SNRPN: variants seen among roughly 807,000 people sequenced by gnomAD.
SNRPN encodes small nuclear ribonucleoprotein polypeptide N.
Under a neutral mutation model 25.2 loss-of-function variants are expected in SNRPN, and 7 were observed. The ratio of observed to expected loss-of-function variants is 0.28; its 90% CI spans 0.16 to 0.52. The LOEUF is 0.52. Among genes scored for constraint, SNRPN ranks in the 20% least tolerant of loss-of-function variants. The pLI is 0.96. For missense variants in SNRPN, 196 were observed against 322.5 expected, an observed-to-expected ratio of 0.61 and a Z score of 3.00; for synonymous variants, 124 against 110.6, an observed-to-expected ratio of 1.12 and a Z score of -0.76.
At chr15:24,823,995 G>A (rs1316700060) in intron 1 of SNRPN, 3 of 151,822 alleles carry the variant, frequency 2.0e-5, no homozygotes, top group Non-Finnish European at 4.4e-5. Context: ...ATCATTTTTC[G>A]AAATACATAT....
At chr15:24,954,802 G>A (rs2062564873), upstream of SNRPN, 5 of 582,634 alleles carry the variant, frequency 8.6e-6, no homozygotes, top group Non-Finnish European at 1.5e-5. Flanking sequence ...CCCTCTCATT[G>A]CAACAGTGCT....
Position 24,861,114 on chromosome 15 carries a change from C to T in SNRPN, c.-579+4398C>T, listed in dbSNP as rs193271303. Among the ~76,000 whole-genome samples, 456 of 152,198 alleles carry T rather than the reference C, an allele frequency of 3.0e-3. 3 individuals carry two copies. The highest frequency in any genetic ancestry group is 0.011 in the African/African-American group (442 of 41,538). Reference sequence around the variant, plus strand: ...ACAGAGTGAGACCCCATCTCAAAAGCATAAATAAATAAAAGGATAATATCT... The same window carrying T: ...ACAGAGTGAGACCCCATCTCAAAAGTATAAATAAATAAAAGGATAATATCT... On this transcript the variant is annotated intron_variant, in intron 1 of 11. Transcript: ENST00000400097.
At chr15:24,832,950 CA>C (rs1194219011) in intron 2 of SNRPN, among the ~76,000 whole-genome samples, 2 of 151,562 alleles carry the variant, frequency 1.3e-5, no homozygotes, top group Non-Finnish European at 2.9e-5. Context: ...ACTAAAAATA[CA>C]AAAATTAGCC....
intron 3 of SNRPN, among the ~76,000 whole-genome samples, chr15:24,922,275 A>G (rs970076437): frequency 6.6e-6 from 1 of 152,186 alleles, no homozygotes; most frequent in African/African-American, 2.4e-5. Context: ...CTCACACATG[A>G]AAGTGGCAGG....
In SNRPN at chr15:24,882,757, G is replaced by C. The variant is rs190142909; in HGVS notation, c.-578-3759G>C. Among the ~76,000 whole-genome samples, 840 of 151,002 alleles carry C rather than the reference G, an allele frequency of 5.6e-3. 9 individuals carry two copies. The highest frequency in any genetic ancestry group is 0.019 in the African/African-American group (789 of 41,092). On this transcript the variant is annotated intron_variant, in intron 1 of 11. Coordinates refer to the SNRPN transcript ENST00000400097. ...AAGAATCGCTTGAACCCAGGAGGCA[G>C]ATGTTGCAGTGAGCCGAGATCATAC... is the stretch of plus-strand genomic sequence containing the variant.
intron 6 of SNRPN, among the ~76,000 whole-genome samples, 188 bp downstream of exon 6, chr15:24,976,604 A>G (rs1054100898): frequency 6.6e-6 from 1 of 152,182 alleles, no homozygotes; most frequent in Non-Finnish European, 1.5e-5. Flanking sequence ...GAATTATTCT[A>G]TGTGCTGGGC....
chr15:24,919,839 A>G (rs1320177500), intron 2 of SNRPN, among the ~76,000 whole-genome samples: 3 of 152,232 alleles, frequency 2.0e-5, no homozygotes, highest in Non-Finnish European at 4.4e-5. Context: ...TGATCAAGCA[A>G]AGAATCTTTG....
upstream of SNRPN, among the ~76,000 whole-genome samples, chr15:24,951,277 T>G (rs139456394): frequency 5.0e-3 from 767 of 152,176 alleles, 2 homozygotes; most frequent in African/African-American, 0.018. Context: ...CTGTTTCACA[T>G]CCCAATCAGC....
chr15:24,920,789 A>G (rs201160472), intron 3 of SNRPN, among the ~76,000 whole-genome samples: 2 of 123,010 alleles, frequency 1.6e-5, no homozygotes, highest in Admixed American at 1.6e-4. Flanking sequence ...AGTGTTTTGT[A>G]TGTTTATTAT....
chr15:24,929,625 G>GT lies in SNRPN; in HGVS notation c.-391+9501_-391+9502insT, dbSNP rs1438276701. Among the ~76,000 whole-genome samples, 6 of 151,988 alleles carry GT rather than the reference G, an allele frequency of 3.9e-5. No homozygotes were observed. In the East Asian group the frequency reaches 1.2e-3, roughly 30 times the overall value. ...TGGCAGAAATGGCCCAGGGCCCTGG[G>GT]CTGAGACCCAGCCAACTCTCTATGG... On this transcript the variant is annotated intron_variant, in intron 3 of 11. Coordinates refer to the SNRPN transcript ENST00000400097. This position sits in a 1 kb window ranked among gnomAD's most constrained non-coding sequence, Gnocchi z 5.3.
chr15:24,958,670 A>G (rs914385562), intron 1 of SNRPN: 21 of 152,078 alleles, frequency 1.4e-4, no homozygotes, highest in African/African-American at 3.1e-4. Flanking sequence ...TTTGGAGGCA[A>G]TGAGGTTTCT....
intron 3 of SNRPN, among the ~76,000 whole-genome samples, chr15:24,935,886 A>G (rs2061198967): frequency 6.6e-6 from 1 of 152,122 alleles, no homozygotes; most frequent in African/African-American, 2.4e-5. Context: ...TGGGAGGCCA[A>G]GGTGGGTGGA....
chr15:24,964,931 T>C (rs1157791615), intron 2 of SNRPN, among the ~76,000 whole-genome samples: 2 of 152,176 alleles, frequency 1.3e-5, no homozygotes, highest in African/African-American at 4.8e-5. Context: ...CTGCACTGCA[T>C]ATATATGTAC....
At chr15:24,885,892 A>G (rs1264095845) in intron 1 of SNRPN, among the ~76,000 whole-genome samples, 1 of 152,182 alleles carries the variant, frequency 6.6e-6, no homozygotes, top group Non-Finnish European at 1.5e-5. Flanking sequence ...TATACATTTC[A>G]AAATAATAGC....
Position 24,974,561 on chromosome 15 carries a change from G to GATAC in SNRPN, c.3+108_3+111dup, listed in dbSNP as rs527807418. The GATAC allele has an allele frequency of 3.1e-4, 325 of 1,049,236 alleles. 2 individuals carry two copies. In the African/African-American group the frequency reaches 4.7e-3, roughly 15 times the overall value. The allele number at this position is 1,049,236 out of a possible 1,614,324, so 65.0% of individuals were successfully genotyped here. A position where few individuals can be genotyped will look rare whatever the true frequency, so the allele number is the denominator to read the frequency against. On this transcript the variant is annotated intron_variant, in intron 4 of 9. Transcript: ENST00000390687. ...TTGGGTTCTGAATGTTAGAAATAAG[G>GATAC]ATACATCCATGGATATGGATTCTCA...
At chr15:24,955,848 A>G (rs997483836) in intron 1 of SNRPN, among the ~76,000 whole-genome samples, 3 of 150,626 alleles carry the variant, frequency 2.0e-5, no homozygotes, top group Non-Finnish European at 4.4e-5. Flanking sequence ...TGGGCATGGC[A>G]TGGAGGCGGT....
chr15:24,890,725 C>G (rs2057604007), intron 2 of SNRPN, among the ~76,000 whole-genome samples: 1 of 151,972 alleles, frequency 6.6e-6, no homozygotes, highest in South Asian at 2.1e-4. Flanking sequence ...CCACCTATCC[C>G]TTGGCCTTTG....
chr15:24,917,838 A>T lies in SNRPN; in HGVS notation c.-504-2173A>T, dbSNP rs144952191. Among the ~76,000 whole-genome samples, 533 of 152,330 alleles carry T rather than the reference A, an allele frequency of 3.5e-3. 6 individuals carry two copies. The highest frequency in any genetic ancestry group is 0.012 in the African/African-American group (516 of 41,580). On this transcript the variant is annotated intron_variant, in intron 2 of 11. Coordinates refer to the SNRPN transcript ENST00000400097. ...ACAGTCTTAACAATGTACCCTGTAA[A>T]ATAAGATTTTAAAAGAGCCAACTTC...
intron 2 of SNRPN, among the ~76,000 whole-genome samples, chr15:24,963,740 T>G (rs904176075): frequency 1.3e-5 from 2 of 152,100 alleles, no homozygotes; most frequent in African/African-American, 4.8e-5. Context: ...TTTCCTCATT[T>G]TATATGTGAA....
Sources: allele counts gnomAD v4.1 joint callset (sites outside exome capture counted in the v4.1 genomes callset), GRCh38; gene constraint gnomAD v4.1.1; non-coding constraint Gnocchi (gnomAD v3.1); transcripts MANE v1.5; gene names NCBI Gene and HGNC (gene_info 2026-07-23, HGNC 2026-07-21).